Variants in NT5M observed in about 807,000 individuals in gnomAD.
NT5M encodes 5',3'-nucleotidase, mitochondrial.
NT5M carries 22 observed loss-of-function variants against 22.2 expected under a neutral mutation model. The observed-to-expected ratio is 0.99, with a 90% CI of 0.71 to 1.41. The LOEUF (loss-of-function observed/expected upper bound fraction) is 1.41, where lower values mean the gene tolerates loss of function less well. Among genes scored for constraint, NT5M ranks in the 40% most tolerant of loss-of-function variants. The probability of loss-of-function intolerance (pLI) is 0.00; values close to 1 mark genes in which losing one functional copy is unlikely to be tolerated. For synonymous variants in NT5M, 167 were observed against 133.0 expected, an observed-to-expected ratio of 1.26 and a Z score of -1.76; for missense variants, 322 against 314.8, an observed-to-expected ratio of 1.02 and a Z score of -0.17.
chr17:17,322,346 C>T (rs774802754), intron 2 of NT5M, among the ~76,000 whole-genome samples: 15 of 151,828 alleles, frequency 9.9e-5, no homozygotes, highest in Non-Finnish European at 1.8e-4. Context: ...CACTCAGAGG[C>T]GAGTTGGGGA....
In NT5M at chr17:17,347,161, G is replaced by A; in HGVS notation, c.*214G>A. 2 of 619,230 alleles carry A rather than the reference G, an allele frequency of 3.2e-6. No individual in the cohort carries two copies. Among genetic ancestry groups the A allele is most frequent in the Non-Finnish European group, 5.4e-6 (2 of 367,054 alleles). 38.4% of individuals were successfully genotyped at this position (619,230 alleles called of 1,614,324 possible). A position where few individuals can be genotyped will look rare whatever the true frequency, so the allele number is the denominator to read the frequency against. ...TCTGGGCGCTTGGACATAGACACGT[G>A]GTCCCAGGCCGTTCAGCCTGACCTC... On this transcript the variant is annotated 3_prime_UTR_variant, in exon 5 of 5. Coordinates refer to ENST00000389022, the MANE Select transcript of NT5M (RefSeq NM_020201.4).
chr17:17,344,748 G>A (rs1270919152), intron 3 of NT5M, 46 bp from the exon 4 acceptor site: 12 of 1,602,564 alleles, frequency 7.5e-6, no homozygotes, highest in Non-Finnish European at 9.4e-6. Context: ...TCCCAGGTCT[G>A]ATGTCACTTT....
intron 3 of NT5M, among the ~76,000 whole-genome samples, chr17:17,336,288 C>T (rs2049509953): frequency 6.6e-6 from 1 of 152,134 alleles, no homozygotes; most frequent in South Asian, 2.1e-4. Flanking sequence ...AGGCATGAGC[C>T]ACCGCGCCCA....
At chr17:17,344,324 G>A (rs889801969) in intron 3 of NT5M, among the ~76,000 whole-genome samples, 4 of 152,182 alleles carry the variant, frequency 2.6e-5, no homozygotes, top group South Asian at 2.1e-4. Context: ...GGCCTTGACC[G>A]CTGTCTCCTC....
Position 17,346,944 on chromosome 17 carries a change from C to T in NT5M, c.684C>T (p.Cys228=). 6.2e-7 allele frequency: 1 copy of T among 1,610,878 alleles called. No homozygotes were observed. The highest frequency in any genetic ancestry group is 8.5e-7 in the Non-Finnish European group (1 of 1,179,886). The change falls in exon 5 of 5, where the codon TGC becomes TGT. Residue 228 remains cysteine, a synonymous_variant. Coordinates refer to ENST00000389022, the MANE Select transcript of NT5M (RefSeq NM_020201.4). ...CCATTCTGGACAGCAAGCGGCCCTG[C>T]TGAGCTGGACTGTGCTTCGGGCTCC... ...WKAILDSKRP[C]
At chr17:17,317,962 CAA>C (rs35320589) in intron 2 of NT5M, among the ~76,000 whole-genome samples, 5 of 74,070 alleles carry the variant, frequency 6.8e-5, no homozygotes, top group Admixed American at 1.9e-4. Context: ...ACTCCATGAT[CAA>C]AAAAAAAAAA....
intron 3 of NT5M, 63 bp from the exon 4 acceptor site, chr17:17,344,731 G>C: frequency 6.3e-7 from 1 of 1,585,608 alleles, no homozygotes; most frequent in African/African-American, 1.3e-5. Context: ...CTCGGCTCTT[G>C]GTTGGCTCCC....
At chr17:17,314,492 A>G (rs1484102622) in intron 2 of NT5M, among the ~76,000 whole-genome samples, 1 of 152,122 alleles carries the variant, frequency 6.6e-6, no homozygotes, top group Non-Finnish European at 1.5e-5. Context: ...ACCCCCCTAC[A>G]TATTTAAATA....
intron 2 of NT5M, among the ~76,000 whole-genome samples, chr17:17,311,132 C>T (rs529637605): frequency 2.0e-4 from 30 of 152,222 alleles, no homozygotes; most frequent in African/African-American, 6.7e-4. Context: ...GTCAGGAGAT[C>T]GAGACCATCC....
At chr17:17,318,431 A>G (rs1263300422) in intron 2 of NT5M, among the ~76,000 whole-genome samples, 1 of 146,178 alleles carries the variant, frequency 6.8e-6, no homozygotes, top group Non-Finnish European at 1.5e-5. Flanking sequence ...CAGTGAGTCT[A>G]GATCGTGCCA....
intron 3 of NT5M, among the ~76,000 whole-genome samples, chr17:17,342,369 C>T (rs2142380548): frequency 6.6e-6 from 1 of 152,276 alleles, no homozygotes; most frequent in Non-Finnish European, 1.5e-5. Flanking sequence ...TTTTCCCACG[C>T]AAACCCTTTC....
intron 2 of NT5M, among the ~76,000 whole-genome samples, chr17:17,319,529 A>G (rs1221052392): frequency 1.3e-5 from 2 of 152,242 alleles, no homozygotes. Context: ...CATTTATTTA[A>G]CAATTAGGAC....
chr17:17,303,716 A>G lies in NT5M; in HGVS notation c.166A>G (p.Lys56Glu), dbSNP rs1383934228. The change falls in exon 1 of 5, where the codon AAG becomes GAG. Residue 56 changes from lysine to glutamate, a missense_variant. Physicochemically the swap from Lys to Glu is moderately conservative, Grantham distance 56. Transcript: ENST00000389022. ...LADFEGGFLR[K>E]FRARFPDQPF... ...TGACTTCGAGGGCGGATTCCTCAGG[A>G]AGTTCCGCGCGCGCTTTCCCGACCA... 1.9e-6 allele frequency: 3 copies of G among 1,591,528 alleles called. No homozygotes were observed. The highest frequency in any genetic ancestry group is 2.6e-6 in the Non-Finnish European group (3 of 1,171,426).
At chr17:17,334,111 G>A (rs560344424) in intron 3 of NT5M, among the ~76,000 whole-genome samples, 87 of 152,152 alleles carry the variant, frequency 5.7e-4, no homozygotes, top group African/African-American at 1.8e-3. Context: ...GGGATTACAG[G>A]TGTGAGACAC....
chr17:17,307,429 G>C (rs971037969), intron 2 of NT5M, among the ~76,000 whole-genome samples: 1 of 151,980 alleles, frequency 6.6e-6, no homozygotes, highest in South Asian at 2.1e-4. Flanking sequence ...TTCGAGACCA[G>C]CCTGGCCAAG....
intron 2 of NT5M, among the ~76,000 whole-genome samples, chr17:17,322,776 AGCCAAGCCAAG>A (rs201257101): frequency 0.01 from 1,598 of 152,270 alleles, 29 homozygotes; most frequent in African/African-American, 0.036. Context: ...CGCGGAGCCA[AGCCAAGCCAAG>A]GCCAAGCCTG....
At chr17:17,310,692 G>A (rs1454329541) in intron 2 of NT5M, among the ~76,000 whole-genome samples, 6 of 148,624 alleles carry the variant, frequency 4.0e-5, no homozygotes, top group Non-Finnish European at 5.9e-5. Flanking sequence ...AACAAAAATA[G>A]CCAGGCATAG....
chr17:17,322,550 G>C (rs546635944), intron 2 of NT5M, among the ~76,000 whole-genome samples: 2 of 152,320 alleles, frequency 1.3e-5, no homozygotes, highest in African/African-American at 4.8e-5. Flanking sequence ...TTGCCAGAGA[G>C]AAAGCGTCAG....
In NT5M at chr17:17,303,469, C is replaced by T. The variant is rs1030531527; in HGVS notation, c.-82C>T. 6 of 1,009,632 alleles carry T rather than the reference C, an allele frequency of 5.9e-6. No homozygotes were observed. The highest frequency in any genetic ancestry group is 5.2e-5 in the African/African-American group (3 of 57,534). 62.5% of individuals were successfully genotyped at this position (1,009,632 alleles called of 1,614,324 possible). ...CGCCCCAGCGTTGGGGGCTTCTCCT[C>T]CGCGGCGGGAATGTCTGGCCGGCTC... On this transcript the variant is annotated 5_prime_UTR_variant, in exon 1 of 5. Transcript: ENST00000389022.
Sources: allele counts gnomAD v4.1 joint callset (sites outside exome capture counted in the v4.1 genomes callset), GRCh38; gene constraint gnomAD v4.1.1; transcripts MANE v1.5; gene names NCBI Gene and HGNC (gene_info 2026-07-23, HGNC 2026-07-21).